JHY: variants seen among roughly 807,000 people sequenced by gnomAD.
The protein encoded by JHY is jhy protein homolog.
In JHY, 69 loss-of-function variants were observed where a neutral mutation model predicts 78.0. That is an observed-to-expected ratio of 0.88 (90% CI 0.73 to 1.08). The LOEUF (loss-of-function observed/expected upper bound fraction) is 1.08, where lower values mean the gene tolerates loss of function less well. JHY is among the 50% of genes least tolerant of loss of function. The pLI is 0.00. For missense variants in JHY, 944 were observed against 927.8 expected, an observed-to-expected ratio of 1.02 and a Z score of -0.23; for synonymous variants, 368 against 342.6, an observed-to-expected ratio of 1.07 and a Z score of -0.82.
chr11:122,936,937 C>G (rs1399835384), intron 5 of JHY, among the ~76,000 whole-genome samples: 4 of 152,130 alleles, frequency 2.6e-5, no homozygotes, highest in African/African-American at 7.2e-5. Context: ...TTGGCCTTAC[C>G]TGTTACTTGA....
At chr11:122,885,726 TG>T in intron 1 of JHY, 34 bp from the exon 2 acceptor site, 1 of 684,488 alleles carries the variant, frequency 1.5e-6, no homozygotes, top group Non-Finnish European at 2.4e-6. Context: ...GAGATTTTAG[TG>T]GTCGCAGAGT....
In JHY at chr11:122,904,032, C is replaced by G. The variant is rs780574724; in HGVS notation, c.452C>G (p.Thr151Arg). The change falls in exon 3 of 9, where the codon ACG becomes AGG. Residue 151 changes from threonine to arginine, a missense_variant. Coordinates refer to ENST00000227349, the MANE Select transcript of JHY (RefSeq NM_024806.4). ...LLSVEALPES[T>R]DSSLENLPLA... is the part of the protein sequence containing the mutation. ...TCTGTGGAAGCGTTGCCGGAGTCCA[C>G]GGACAGCTCTTTAGAAAATCTGCCT... 2.2e-5 allele frequency: 36 copies of G among 1,614,132 alleles called. No homozygotes were observed. Among genetic ancestry groups the G allele is most frequent in the Non-Finnish European group, 3.0e-5 (35 of 1,180,024 alleles).
chr11:122,934,352 A>T (rs1418774652), intron 4 of JHY, 68 bp from the exon 5 acceptor site: 2 of 614,928 alleles, frequency 3.3e-6, no homozygotes, highest in Non-Finnish European at 4.6e-6. Context: ...AAATAAATAA[A>T]TAATAAAATA....
At chr11:122,944,492 A>G (rs1863927750) in intron 5 of JHY, among the ~76,000 whole-genome samples, 1 of 152,186 alleles carries the variant, frequency 6.6e-6, no homozygotes, top group Admixed American at 6.5e-5. Flanking sequence ...GATTGTTTTA[A>G]TCCAATCACC....
At chr11:122,894,498 A>C (rs1201570731) in intron 2 of JHY, among the ~76,000 whole-genome samples, 1 of 152,214 alleles carries the variant, frequency 6.6e-6, no homozygotes, top group Non-Finnish European at 1.5e-5. Flanking sequence ...TGGCATTAGC[A>C]CTGTAAGCTG....
chr11:122,933,757 A>C lies in JHY; in HGVS notation c.979-663A>C, dbSNP rs527445441. 3.9e-5 allele frequency among the ~76,000 whole-genome samples: 6 copies of C among 152,332 alleles called. No homozygotes were observed. The East Asian group carries it at 7.7e-4, about 20-fold the overall frequency. The stretch of plus-strand genomic sequence containing the variant: ...TGACCAGCATGAGTAAAAAGATCTG[A>C]TCATCTCAATTGTATTTAATATTAG... On this transcript the variant is annotated intron_variant, in intron 4 of 8. Transcript: ENST00000227349.
At chr11:122,932,909 T>G (rs938076952) in intron 4 of JHY, among the ~76,000 whole-genome samples, 8 of 152,040 alleles carry the variant, frequency 5.3e-5, no homozygotes, top group African/African-American at 1.9e-4. Context: ...AGGTAAAAAT[T>G]TAAAGTAAGT....
intron 5 of JHY, among the ~76,000 whole-genome samples, chr11:122,938,019 G>T (rs1288497270): frequency 3.6e-5 from 5 of 137,048 alleles, no homozygotes; most frequent in Admixed American, 7.1e-5. Context: ...TGTTTTTTTT[G>T]TTGTTGTTTT....
rs1027368614 is a variant in JHY at position 122,961,822 on chromosome 11, A to T, written c.*2377A>T. Among the ~76,000 whole-genome samples the T allele has an allele frequency of 7.2e-5, 11 of 152,258 alleles. No homozygotes were observed. The highest frequency in any genetic ancestry group is 5.9e-4 in the Admixed American group (9 of 15,286). ...AATAAAGTTGAAAAAAAATGAAGGT[A>T]CATCTGGCTGTGCCTGCTCAGATAG... On this transcript the variant is annotated 3_prime_UTR_variant, in exon 9 of 9. Coordinates refer to ENST00000227349, the MANE Select transcript of JHY (RefSeq NM_024806.4).
chr11:122,924,340 T>C (rs948520626), intron 3 of JHY, among the ~76,000 whole-genome samples: 2 of 152,158 alleles, frequency 1.3e-5, no homozygotes, highest in Non-Finnish European at 2.9e-5. Context: ...ACTTACTAGC[T>C]GTTGATCCTG....
chr11:122,893,877 C>A (rs1355059722), intron 2 of JHY, among the ~76,000 whole-genome samples: 2 of 152,070 alleles, frequency 1.3e-5, no homozygotes, highest in Non-Finnish European at 2.9e-5. Context: ...GAGGAGGAAC[C>A]CAAGACCTAG....
intron 2 of JHY, among the ~76,000 whole-genome samples, chr11:122,892,401 CA>C (rs1161671507): frequency 6.6e-6 from 1 of 151,676 alleles, no homozygotes; most frequent in Non-Finnish European, 1.5e-5. Context: ...TGGCTCACTG[CA>C]ACCTCCGCCT....
chr11:122,888,978 GCCT>G (rs758564030), intron 2 of JHY, among the ~76,000 whole-genome samples: 9 of 152,126 alleles, frequency 5.9e-5, no homozygotes, highest in Non-Finnish European at 1.2e-4. Flanking sequence ...GTCCTCGTGT[GCCT>G]CCTTGGGTAT....
rs755478269 is a variant in JHY at position 122,904,128 on chromosome 11, G to T, written c.548G>T (p.Ser183Ile). Residue 183 changes from serine (S) to isoleucine (I), a missense_variant, in exon 3 of 9, where the codon AGT (serine) becomes ATT (isoleucine). Ser to Ile is a moderately radical substitution (Grantham distance 142). Coordinates refer to ENST00000227349, the MANE Select transcript of JHY (RefSeq NM_024806.4). ...GGGGGAAAAGGCGAGCAGAAAGAGA[G>T]TCCACAGAGTGCAGCTTCTTTACTT... is the stretch of plus-strand genomic sequence containing the variant. ...LSGGKGEQKE[S>I]PQSAASLLGS... The T allele has an allele frequency of 2.5e-6, 4 of 1,614,052 alleles. No individual in the cohort carries two copies. Among genetic ancestry groups the T allele is most frequent in the Non-Finnish European group, 3.4e-6 (4 of 1,180,024 alleles).
chr11:122,938,491 C>A (rs1439330086), intron 5 of JHY, among the ~76,000 whole-genome samples: 1 of 151,896 alleles, frequency 6.6e-6, no homozygotes, highest in African/African-American at 2.4e-5. Flanking sequence ...ATCCTTTTTT[C>A]TCAACGTCTT....
intron 6 of JHY, 26 bp from the exon 7 acceptor site, chr11:122,956,470 A>G: frequency 6.2e-7 from 1 of 1,610,310 alleles, no homozygotes; most frequent in Non-Finnish European, 8.5e-7. Context: ...CCTTAAAAGA[A>G]ACTGTTTCTG....
At chr11:122,919,960 C>A (rs1041065073) in intron 3 of JHY, among the ~76,000 whole-genome samples, 3 of 152,176 alleles carry the variant, frequency 2.0e-5, no homozygotes, top group Non-Finnish European at 4.4e-5. Context: ...ATGTCTTTTG[C>A]CTCTAAACAG....
intron 4 of JHY, among the ~76,000 whole-genome samples, 200 bp downstream of exon 4, chr11:122,925,210 G>A (rs1236023062): frequency 6.6e-6 from 1 of 152,110 alleles, no homozygotes; most frequent in Non-Finnish European, 1.5e-5. Flanking sequence ...TTTTCCAAGG[G>A]TTCTGTTTGC....
rs61394403 is a variant in JHY at position 122,900,764 on chromosome 11, C to T, written c.345-3161C>T. 7.1e-3 allele frequency among the ~76,000 whole-genome samples: 1,075 copies of T among 152,146 alleles called. 15 individuals are homozygous for T. Among genetic ancestry groups the T allele is most frequent in the African/African-American group, 0.024 (990 of 41,478 alleles). On this transcript the variant is annotated intron_variant, in intron 2 of 8. Transcript: ENST00000227349. ...AGAGGCTATGAACCTTTCAGTGAGC[C>T]GTGATCTGGTCTGATTTGAAGCCTC...
Sources: allele counts gnomAD v4.1 joint callset (sites outside exome capture counted in the v4.1 genomes callset), GRCh38; gene constraint gnomAD v4.1.1; transcripts MANE v1.5; gene names NCBI Gene and HGNC (gene_info 2026-07-23, HGNC 2026-07-21).